The following GUCY1A2 variants were observed in gnomAD, a reference collection of about 807,000 sequenced individuals.
GUCY1A2 encodes the protein guanylate cyclase soluble subunit alpha-2.
Under a neutral mutation model 63.5 loss-of-function variants are expected in GUCY1A2, and 27 were observed. The observed-to-expected ratio is 0.43, with a 90% CI of 0.31 to 0.59. The LOEUF (loss-of-function observed/expected upper bound fraction) is 0.59. Among genes scored for constraint, GUCY1A2 ranks in the 20% least tolerant of loss-of-function variants. GUCY1A2 has a pLI of 0.11. For synonymous variants in GUCY1A2, 364 were observed against 343.5 expected (o/e 1.06, Z -0.66); for missense variants, 768 against 913.3 (o/e 0.84, Z 2.05).
At chr11:107,016,881 GGT>G (rs1292211958) in intron 1 of GUCY1A2, among the ~76,000 whole-genome samples, 2 of 152,178 alleles carry the variant, frequency 1.3e-5, no homozygotes, top group Non-Finnish European at 2.9e-5. Context: ...ATGAGGTACA[GGT>G]GCAAGAAGTA....
At chr11:106,751,401 G>A (rs1207526850) in intron 6 of GUCY1A2, among the ~76,000 whole-genome samples, 4 of 151,948 alleles carry the variant, frequency 2.6e-5, no homozygotes, top group African/African-American at 7.2e-5. Context: ...AGACTCTTTC[G>A]AAGTTTTATT....
chr11:106,927,130 T>C (rs1860535173), intron 4 of GUCY1A2, among the ~76,000 whole-genome samples: 2 of 151,846 alleles, frequency 1.3e-5, no homozygotes, highest in African/African-American at 4.8e-5. Flanking sequence ...TCCCAGCACT[T>C]TGGGAGGCCA....
intron 5 of GUCY1A2, among the ~76,000 whole-genome samples, chr11:106,793,654 GC>G (rs552620664): frequency 1.1e-3 from 161 of 152,006 alleles, no homozygotes; most frequent in Non-Finnish European, 2.0e-3. Context: ...CAACTCAATA[GC>G]AAAAACAACA....
At chr11:107,007,310 G>T (rs1271015457) in intron 1 of GUCY1A2, among the ~76,000 whole-genome samples, 1 of 152,184 alleles carries the variant, frequency 6.6e-6, no homozygotes, top group African/African-American at 2.4e-5. Flanking sequence ...TACTCCGAGA[G>T]AGTGAAATGA....
chr11:106,988,063 C>T (rs1861424303), intron 1 of GUCY1A2, among the ~76,000 whole-genome samples: 1 of 152,184 alleles, frequency 6.6e-6, no homozygotes, highest in Non-Finnish European at 1.5e-5. Context: ...TGTTTCTACT[C>T]ATCCAAACAG....
chr11:106,867,182 A>G (rs1188041074), intron 4 of GUCY1A2, among the ~76,000 whole-genome samples: 1 of 152,118 alleles, frequency 6.6e-6, no homozygotes, highest in Non-Finnish European at 1.5e-5. Context: ...TTATAAAGAT[A>G]GTTGGTTTTC....
chr11:106,984,844 G>A (rs1861381335), intron 2 of GUCY1A2, among the ~76,000 whole-genome samples: 2 of 152,128 alleles, frequency 1.3e-5, no homozygotes, highest in South Asian at 4.1e-4. Flanking sequence ...TCTCCATTAG[G>A]ATAAACCATT....
chr11:106,996,353 A>G (rs1036353821), intron 1 of GUCY1A2, among the ~76,000 whole-genome samples: 1 of 152,220 alleles, frequency 6.6e-6, no homozygotes, highest in African/African-American at 2.4e-5. Context: ...AGTAAGAAAA[A>G]TGATTCAACC....
chr11:106,717,401 G>A (rs547530859), intron 6 of GUCY1A2, among the ~76,000 whole-genome samples: 1 of 152,244 alleles, frequency 6.6e-6, no homozygotes, highest in South Asian at 2.1e-4. Flanking sequence ...TGGTGTCAAG[G>A]ACAATGACAC....
chr11:106,688,429 G>A (rs1253336472), intron 7 of GUCY1A2, among the ~76,000 whole-genome samples: 1 of 152,078 alleles, frequency 6.6e-6, no homozygotes, highest in East Asian at 1.9e-4. Context: ...AACTTGTCCA[G>A]TTTCATGAAA....
intron 4 of GUCY1A2, among the ~76,000 whole-genome samples, chr11:106,901,101 C>T (rs1043143371): frequency 6.6e-6 from 1 of 152,232 alleles, no homozygotes; most frequent in East Asian, 1.9e-4. Flanking sequence ...CTCTCAAACC[C>T]TGCTGCTGCC....
At chr11:106,894,495 C>T (rs1207008041) in intron 4 of GUCY1A2, among the ~76,000 whole-genome samples, 1 of 152,088 alleles carries the variant, frequency 6.6e-6, no homozygotes, top group Non-Finnish European at 1.5e-5. Context: ...AAGCAGAATA[C>T]ACATTATTCT....
At chr11:106,983,888 C>T (rs1335499924) in intron 2 of GUCY1A2, among the ~76,000 whole-genome samples, 1 of 152,214 alleles carries the variant, frequency 6.6e-6, no homozygotes. Flanking sequence ...TTCTTTTTCA[C>T]AATTAGAGAT....
intron 1 of GUCY1A2, among the ~76,000 whole-genome samples, chr11:106,999,096 C>CA (rs1258543358): frequency 1.3e-5 from 2 of 152,096 alleles, no homozygotes; most frequent in Non-Finnish European, 2.9e-5. Context: ...CATGTTCCTC[C>CA]AAAAAGGTTA....
intron 3 of GUCY1A2, among the ~76,000 whole-genome samples, chr11:106,953,738 G>C (rs1266569383): frequency 6.6e-6 from 1 of 151,692 alleles, no homozygotes; most frequent in African/African-American, 2.4e-5. Context: ...ACTTCTTCCT[G>C]GTTTAGTCTT....
intron 6 of GUCY1A2, among the ~76,000 whole-genome samples, chr11:106,711,292 G>A (rs191450336): frequency 1.5e-4 from 23 of 152,244 alleles, no homozygotes; most frequent in Non-Finnish European, 1.5e-4. Flanking sequence ...GAATGCTCTG[G>A]ATCAACTTTG....
intron 4 of GUCY1A2, among the ~76,000 whole-genome samples, chr11:106,846,160 G>T (rs186348702): frequency 1.7e-3 from 260 of 151,680 alleles, no homozygotes; most frequent in Non-Finnish European, 2.2e-3. Flanking sequence ...TCCTAGGAGA[G>T]ACAATCTATA....
chr11:106,925,138 A>T (rs1565333471), intron 4 of GUCY1A2, among the ~76,000 whole-genome samples: 1 of 152,192 alleles, frequency 6.6e-6, no homozygotes, highest in African/African-American at 2.4e-5. Flanking sequence ...GTCCATTAAA[A>T]TCCTGAAAAA....
rs1311824097 is a variant in GUCY1A2 at position 106,824,765 on chromosome 11, T to C, written c.1207-14287A>G. ...CATGAGAAAACTGAATAGCTGGATT[T>C]TTACCAAGGTGCTTGCTTTGTTATT... is the stretch of plus-strand genomic sequence containing the variant. On this transcript the variant is annotated intron_variant, in intron 4 of 7. Coordinates refer to ENST00000526355, the MANE Select transcript of GUCY1A2 (RefSeq NM_000855.3). 3.9e-6 allele frequency: 6 copies of C among 1,521,646 alleles called. No homozygotes were observed. The East Asian group carries it at 1.4e-4, about 36-fold the overall frequency. 94.3% of individuals were successfully genotyped at this position (1,521,646 alleles called of 1,614,324 possible). A position where few individuals can be genotyped will look rare whatever the true frequency, so the allele number is the denominator to read the frequency against.
Sources: gnomAD v4.1 joint callset for allele counts (sites outside exome capture counted in the v4.1 genomes callset) on GRCh38, gnomAD v4.1.1 for gene constraint, MANE v1.5 for transcripts, NCBI Gene and HGNC (gene_info 2026-07-23, HGNC 2026-07-21) for gene names.